Variants in IRAK1BP1 observed in about 807,000 individuals in gnomAD.
The protein encoded by IRAK1BP1 is interleukin-1 receptor-associated kinase 1-binding protein 1.
A neutral mutation model predicts 28.0 loss-of-function variants in IRAK1BP1; 24 were observed. The ratio of observed to expected loss-of-function variants is 0.86; its 90% CI spans 0.62 to 1.20. IRAK1BP1 has a LOEUF of 1.20. Among genes scored for constraint, IRAK1BP1 ranks in the 50% most tolerant of loss-of-function variants. IRAK1BP1 has a pLI of 0.00. For missense variants in IRAK1BP1, 336 were observed against 316.7 expected, an observed-to-expected ratio of 1.06 and a Z score of -0.46; for synonymous variants, 131 against 116.3, an observed-to-expected ratio of 1.13 and a Z score of -0.81.
downstream of IRAK1BP1, chr6:78,947,019 ATGAAAAGGTAAAC>A (rs1280621185): frequency 2.0e-6 from 1 of 509,130 alleles, no homozygotes; most frequent in African/African-American, 2.0e-5. Context: ...TAATCTTTTG[ATGAAAAGGTAAAC>A]TGAAGCATTT....
chr6:78,867,609 G>T lies in IRAK1BP1; in HGVS notation c.33G>T (p.Val11=). The stretch of plus-strand genomic sequence containing the variant: ...TGCAAAAGACCCCTCCGACCCGAGT[G>T]TTCGTGGAACTGGTTCCCTGGGCTG... MSLQKTPPTR[V]FVELVPWADR... is the part of the protein sequence containing the mutation. Residue 11 remains valine (V), a synonymous_variant, in exon 1 of 4, where the codon GTG becomes GTT. Coordinates refer to ENST00000369940, the MANE Select transcript of IRAK1BP1 (RefSeq NM_001010844.4). The T allele has an allele frequency of 6.2e-7, 1 of 1,614,196 alleles. No individual in the cohort carries two copies. Among genetic ancestry groups the T allele is most frequent in the Non-Finnish European group, 8.5e-7 (1 of 1,180,032 alleles).
intron 2 of IRAK1BP1, among the ~76,000 whole-genome samples, chr6:78,887,374 G>A (rs1456751349): frequency 1.3e-5 from 2 of 151,990 alleles, no homozygotes; most frequent in African/African-American, 4.8e-5. Flanking sequence ...TATCAAAAAA[G>A]CAGAAGATTG....
intron 4 of IRAK1BP1, among the ~76,000 whole-genome samples, chr6:78,922,231 G>C (rs574385242): frequency 3.9e-5 from 6 of 152,180 alleles, no homozygotes; most frequent in Non-Finnish European, 5.9e-5. Flanking sequence ...GTCCTTAAAG[G>C]ACCTGATGGA....
At chr6:78,952,440 A>AGAAAAAAAAAAAG in the IRAK1BP1 span, among the ~76,000 whole-genome samples, 9 of 143,856 alleles carry the variant, frequency 6.3e-5, no homozygotes, top group Admixed American at 5.4e-4. Flanking sequence ...AAAAAAAAAA[A>AGAAAAAAAAAAAG]GAAAAAAAAA....
intron 4 of IRAK1BP1, among the ~76,000 whole-genome samples, chr6:78,935,290 A>T (rs1377202610): frequency 6.6e-6 from 1 of 152,128 alleles, no homozygotes; most frequent in African/African-American, 2.4e-5. Flanking sequence ...ATTAACACAA[A>T]ATTACAAATC....
At chr6:78,960,913 C>T in the IRAK1BP1 span, among the ~76,000 whole-genome samples, 10 of 151,904 alleles carry the variant, frequency 6.6e-5, no homozygotes, top group Admixed American at 6.6e-5. Context: ...AGAAGAATAA[C>T]GGAAAGGACT....
chr6:78,913,304 C>T (rs1175014236), intron 4 of IRAK1BP1, among the ~76,000 whole-genome samples: 3 of 150,556 alleles, frequency 2.0e-5, no homozygotes, highest in African/African-American at 4.9e-5. Context: ...CACTGCACTC[C>T]AGCCTGGGCA....
intron 4 of IRAK1BP1, among the ~76,000 whole-genome samples, chr6:78,914,909 C>A (rs1772520307): frequency 6.6e-6 from 1 of 152,198 alleles, no homozygotes; most frequent in Non-Finnish European, 1.5e-5. Context: ...CAACCTCCAC[C>A]TTCCAGGTTC....
At chr6:78,953,855 G>A in the IRAK1BP1 span, among the ~76,000 whole-genome samples, 1 of 151,936 alleles carries the variant, frequency 6.6e-6, no homozygotes, top group Non-Finnish European at 1.5e-5. Context: ...CAAAGTGCTG[G>A]GATTACAGGT....
chr6:78,971,437 T>C, the IRAK1BP1 span, among the ~76,000 whole-genome samples: 10 of 152,240 alleles, frequency 6.6e-5, no homozygotes, highest in Non-Finnish European at 1.5e-5. Flanking sequence ...GAACGTGTTT[T>C]AAAATGCTAA....
At chr6:78,922,129 C>G (rs189558475) in intron 4 of IRAK1BP1, among the ~76,000 whole-genome samples, 2 of 152,198 alleles carry the variant, frequency 1.3e-5, no homozygotes, top group Admixed American at 1.3e-4. Flanking sequence ...TTACTCTGAG[C>G]TAAAGGAGGA....
At chr6:78,961,015 TTAAAAC>T in the IRAK1BP1 span, among the ~76,000 whole-genome samples, 78 of 152,150 alleles carry the variant, frequency 5.1e-4, no homozygotes, top group Non-Finnish European at 9.6e-4. Context: ...ATGATAAAAA[TTAAAAC>T]TAAAAACAGG....
the IRAK1BP1 span, among the ~76,000 whole-genome samples, chr6:78,959,755 T>A: frequency 6.6e-6 from 1 of 152,144 alleles, no homozygotes; most frequent in South Asian, 2.1e-4. Context: ...ACTAGGGTAA[T>A]GCCAAAAGCC....
intron 2 of IRAK1BP1, among the ~76,000 whole-genome samples, chr6:78,885,825 G>A (rs1198756905): frequency 6.6e-6 from 1 of 152,136 alleles, no homozygotes; most frequent in African/African-American, 2.4e-5. Flanking sequence ...CAATTTTACT[G>A]TATTGTGATA....
the IRAK1BP1 span, among the ~76,000 whole-genome samples, chr6:78,954,156 C>T: frequency 1.3e-5 from 2 of 152,206 alleles, no homozygotes; most frequent in South Asian, 2.1e-4. Context: ...GGCTGGAGTA[C>T]GGCAGTGGGA....
chr6:78,955,436 T>TA, the IRAK1BP1 span, among the ~76,000 whole-genome samples: 1 of 151,866 alleles, frequency 6.6e-6, no homozygotes, highest in Non-Finnish European at 1.5e-5. Flanking sequence ...TTCCCCCCAT[T>TA]AAAAAATTTT....
chr6:78,957,963 A>C, the IRAK1BP1 span: 1 of 152,100 alleles, frequency 6.6e-6, no homozygotes, highest in East Asian at 1.9e-4. Context: ...AATATACTTG[A>C]CAGGGGCAAT....
chr6:78,963,066 T>TTTTTCTATAC, the IRAK1BP1 span: 2 of 1,539,342 alleles, frequency 1.3e-6, no homozygotes, highest in Non-Finnish European at 1.7e-6. Context: ...TTCTGCCAGT[T>TTTTTCTATAC]TTTTCTATAC....
chr6:78,918,635 A>T (rs1772633774), intron 4 of IRAK1BP1, among the ~76,000 whole-genome samples: 1 of 148,282 alleles, frequency 6.7e-6, no homozygotes, highest in African/African-American at 2.5e-5. Flanking sequence ...TGATAGGGAG[A>T]TCAATTCAAC....
Sources: gnomAD v4.1 joint callset for allele counts (sites outside exome capture counted in the v4.1 genomes callset) on GRCh38, gnomAD v4.1.1 for gene constraint, MANE v1.5 for transcripts, NCBI Gene and HGNC (gene_info 2026-07-23, HGNC 2026-07-21) for gene names.